Variants in RNF216 observed in about 807,000 individuals in gnomAD.
RNF216 encodes E3 ubiquitin-protein ligase RNF216.
RNF216 carries 72 observed loss-of-function variants against 110.8 expected under a neutral mutation model. The observed-to-expected ratio is 0.65, with a 90% CI of 0.54 to 0.79. RNF216 has a LOEUF of 0.79. Ranked by LOEUF, RNF216 falls within the 30% of genes least tolerant of loss-of-function variation. The pLI is 0.00. For synonymous variants in RNF216, 495 were observed against 407.5 expected (o/e 1.21, Z -2.59); for missense variants, 1,342 against 1,141.2 (o/e 1.18, Z -2.54).
At chr7:5,716,457 C>T (rs1793070779) in intron 10 of RNF216, among the ~76,000 whole-genome samples, 1 of 152,036 alleles carries the variant, frequency 6.6e-6, no homozygotes, top group South Asian at 2.1e-4. Context: ...GTAAACTTTC[C>T]TTTATGAGTG....
chr7:5,765,127 G>T (rs1188335480), intron 1 of RNF216, among the ~76,000 whole-genome samples: 1 of 149,304 alleles, frequency 6.7e-6, no homozygotes, highest in African/African-American at 2.5e-5. Flanking sequence ...CAAAGACTAA[G>T]AGAGTTTACC....
chr7:5,630,434 A>C (rs2128559050), intron 15 of RNF216, among the ~76,000 whole-genome samples: 1 of 152,138 alleles, frequency 6.6e-6, no homozygotes, highest in South Asian at 2.1e-4. Context: ...GTGGAGTAAA[A>C]TGGCGTGATT....
At chr7:5,758,209 G>A (rs1795750504) in intron 2 of RNF216, among the ~76,000 whole-genome samples, 1 of 152,240 alleles carries the variant, frequency 6.6e-6, no homozygotes, top group African/African-American at 2.4e-5. Flanking sequence ...GGATATACAT[G>A]TACAGAAAAT....
chr7:5,740,890 C>CTTT (rs911252019), intron 4 of RNF216, 83 bp downstream of exon 4: 9 of 1,116,812 alleles, frequency 8.1e-6, no homozygotes, highest in Middle Eastern at 2.6e-4. Flanking sequence ...ATACCAACAA[C>CTTT]TTTTTTTTTT....
chr7:5,637,657 C>A (rs1787474710), intron 15 of RNF216, among the ~76,000 whole-genome samples: 1 of 152,130 alleles, frequency 6.6e-6, no homozygotes, highest in Non-Finnish European at 1.5e-5. Context: ...AGCAATCGCC[C>A]TGGAAGGAGC....
chr7:5,767,494 G>C (rs1239629291), intron 1 of RNF216, among the ~76,000 whole-genome samples: 2 of 151,924 alleles, frequency 1.3e-5, no homozygotes, highest in African/African-American at 2.4e-5. Context: ...CCCCCACCAA[G>C]TTGTTAACCT....
chr7:5,712,001 T>C (rs1446719721), intron 12 of RNF216, 162 bp from the exon 13 acceptor site: 1 of 618,232 alleles, frequency 1.6e-6, no homozygotes, highest in Non-Finnish European at 2.9e-6. Flanking sequence ...AACCTCTTCT[T>C]TGTGCTGGCT....
chr7:5,661,423 A>G (rs1282135630), intron 13 of RNF216, among the ~76,000 whole-genome samples: 1 of 152,186 alleles, frequency 6.6e-6, no homozygotes. Context: ...AAACTTACAC[A>G]TCTTCACAAA....
At chr7:5,775,937 C>G (rs1393066204) in intron 1 of RNF216, among the ~76,000 whole-genome samples, 1 of 152,002 alleles carries the variant, frequency 6.6e-6, no homozygotes, top group African/African-American at 2.4e-5. Flanking sequence ...ATGCCCGTGT[C>G]ACACCAGGCC....
At chr7:5,660,886 C>G (rs920216866) in intron 13 of RNF216, among the ~76,000 whole-genome samples, 1 of 148,594 alleles carries the variant, frequency 6.7e-6, no homozygotes, top group African/African-American at 2.5e-5. Context: ...ACATCTTTAA[C>G]AGAGGTCTAA....
At chr7:5,717,321 C>A (rs916302901) in intron 9 of RNF216, among the ~76,000 whole-genome samples, 9 of 152,214 alleles carry the variant, frequency 5.9e-5, no homozygotes, top group Non-Finnish European at 1.3e-4. Context: ...CCATTGCACT[C>A]TAGCCCGGGC....
intron 1 of RNF216, among the ~76,000 whole-genome samples, chr7:5,776,505 G>C (rs1201926842): frequency 1.4e-5 from 2 of 145,714 alleles, no homozygotes; most frequent in Non-Finnish European, 3.0e-5. Flanking sequence ...TGAGGCAGGA[G>C]AATGGCGAGA....
chr7:5,721,364 A>T (rs1021277170), intron 8 of RNF216, among the ~76,000 whole-genome samples, 192 bp from the exon 9 acceptor site: 1 of 151,972 alleles, frequency 6.6e-6, no homozygotes, highest in Non-Finnish European at 1.5e-5. Flanking sequence ...CCATTTTTTG[A>T]CCTTTCTGAT....
chr7:5,666,417 G>A (rs1462982574), intron 13 of RNF216, among the ~76,000 whole-genome samples: 1 of 152,188 alleles, frequency 6.6e-6, no homozygotes, highest in Non-Finnish European at 1.5e-5. Flanking sequence ...AAAGGCGAGG[G>A]AGAGAGTCTG....
At chr7:5,778,178 A>G (rs1024557100) in intron 1 of RNF216, among the ~76,000 whole-genome samples, 2 of 152,236 alleles carry the variant, frequency 1.3e-5, no homozygotes, top group African/African-American at 4.8e-5. Flanking sequence ...CCTTGCTGAC[A>G]TAGCGGGCCT....
At chr7:5,767,420 A>T (rs1796262162) in intron 1 of RNF216, among the ~76,000 whole-genome samples, 1 of 152,190 alleles carries the variant, frequency 6.6e-6, no homozygotes, top group South Asian at 2.1e-4. Context: ...CTTAAGGGAC[A>T]AAATTCCAGC....
At chr7:5,651,188 T>C (rs186442307) in intron 14 of RNF216, among the ~76,000 whole-genome samples, 3 of 152,202 alleles carry the variant, frequency 2.0e-5, no homozygotes, top group Admixed American at 6.5e-5. Context: ...CAGAAGAGAA[T>C]ATCACCTTCA....
chr7:5,674,816 C>T (rs1790167863), intron 13 of RNF216, among the ~76,000 whole-genome samples: 1 of 151,782 alleles, frequency 6.6e-6, no homozygotes, highest in Non-Finnish European at 1.5e-5. Flanking sequence ...ACCAACATGG[C>T]AAAACCCCAT....
chr7:5,629,560 G>A (rs895573229), intron 15 of RNF216, among the ~76,000 whole-genome samples: 7 of 151,316 alleles, frequency 4.6e-5, no homozygotes, highest in East Asian at 3.9e-4. Flanking sequence ...CAGAAGCGGC[G>A]TCTTGCGCCT....
Sources: gnomAD v4.1 joint callset for allele counts (sites outside exome capture counted in the v4.1 genomes callset) on GRCh38, gnomAD v4.1.1 for gene constraint, MANE v1.5 for transcripts, NCBI Gene and HGNC (gene_info 2026-07-23, HGNC 2026-07-21) for gene names.